Variants in TP53I11 observed in about 807,000 individuals in gnomAD.
TP53I11 encodes tumor protein p53 inducible protein 11.
A neutral mutation model predicts 23.3 loss-of-function variants in TP53I11; 9 were observed. The observed-to-expected ratio is 0.39, with a 90% CI of 0.23 to 0.67. TP53I11 has a LOEUF of 0.67. TP53I11 is among the 30% of genes least tolerant of loss of function. TP53I11 has a pLI of 0.48. For synonymous variants in TP53I11, 100 were observed against 106.1 expected, an observed-to-expected ratio of 0.94 and a Z score of 0.35; for missense variants, 170 against 255.2, an observed-to-expected ratio of 0.67 and a Z score of 2.27.
chr11:44,941,334 T>G (rs1283173854), intron 1 of TP53I11, among the ~76,000 whole-genome samples: 1 of 152,154 alleles, frequency 6.6e-6, no homozygotes, highest in East Asian at 1.9e-4. Flanking sequence ...CCAACCTCAC[T>G]TTTCCCCTAC....
At chr11:44,939,457 C>T (rs1192421789) in intron 1 of TP53I11, among the ~76,000 whole-genome samples, 1 of 152,234 alleles carries the variant, frequency 6.6e-6, no homozygotes, top group Non-Finnish European at 1.5e-5. Flanking sequence ...TCCCCATCTA[C>T]AGACAGGGTC....
chr11:44,937,614 C>G lies in TP53I11; in HGVS notation c.130-1G>C. The G allele has an allele frequency of 6.2e-7, 1 of 1,613,296 alleles. No homozygotes were observed. Among genetic ancestry groups the G allele is most frequent in the Non-Finnish European group, 8.5e-7 (1 of 1,179,916 alleles). On this transcript the variant is annotated splice_acceptor_variant, in intron 2 of 6. Coordinates refer to ENST00000525680, the MANE Select transcript of TP53I11 (RefSeq NM_006034.5). LOFTEE classifies it high-confidence loss of function. The stretch of plus-strand genomic sequence containing the variant: ...TTTCATTGCCTAAGACCTGGCTGAT[C>G]TGTGGACAGAGGGGGTCAGAGGCAA...
At chr11:44,940,720 T>C (rs1861666133) in intron 1 of TP53I11, 1 of 152,210 alleles carries the variant, frequency 6.6e-6, no homozygotes, top group Non-Finnish European at 1.5e-5. Flanking sequence ...AAACCCGCGT[T>C]TCTGTGGGAC....
chr11:44,936,892 G>A lies in TP53I11; in HGVS notation c.245C>T (p.Ala82Val). 6.2e-7 allele frequency: 1 copy of A among 1,604,658 alleles called. No individual in the cohort carries two copies. The highest frequency in any genetic ancestry group is 8.5e-7 in the Non-Finnish European group (1 of 1,176,566). The change falls in exon 5 of 7, where the codon GCC (alanine) becomes GTC (valine). Residue 82 changes from alanine to valine, a missense_variant. Transcript: ENST00000525680. The surrounding 1 kb of genome is among the most constrained non-coding windows in gnomAD (Gnocchi z 4.4). ...LFSGIAIMAL[A>V]FPDQLYDAVF... is the part of the protein sequence containing the mutation. ...CGCATCATAGAGCTGGTCAGGGAAGGCAAGCGCCTGCGGGCAGCGAGAGGG... is the reference window on the plus strand; with the variant it reads ...CGCATCATAGAGCTGGTCAGGGAAGACAAGCGCCTGCGGGCAGCGAGAGGG...
intron 1 of TP53I11, among the ~76,000 whole-genome samples, chr11:44,939,595 C>T (rs1861549968): frequency 6.6e-6 from 1 of 152,212 alleles, no homozygotes; most frequent in Admixed American, 6.5e-5. Flanking sequence ...CGGGTCACCT[C>T]CCATTTTTGA....
intron 5 of TP53I11, 118 bp from the exon 6 acceptor site, chr11:44,935,780 T>C: frequency 2.9e-6 from 2 of 695,940 alleles, no homozygotes; most frequent in Non-Finnish European, 5.0e-6. Flanking sequence ...GGTCCTGGAC[T>C]CCACGCCTCC....
rs375071161 is a variant in TP53I11, at chr11:44,936,949, G to T, written c.238-50C>A. ...AGGTCCCGCTTGGGAGAGGGTGGGGGGTGACAGCTGATGCTTCCCACAGAC... is the reference window on the plus strand; with the variant it reads ...AGGTCCCGCTTGGGAGAGGGTGGGGTGTGACAGCTGATGCTTCCCACAGAC... On this transcript the variant is annotated intron_variant, in intron 4 of 6. Transcript: ENST00000525680. The surrounding 1 kb of genome is among the most constrained non-coding windows in gnomAD (Gnocchi z 4.4). The T allele has an allele frequency of 6.8e-6, 9 of 1,332,558 alleles. 1 individual carries two copies. Among genetic ancestry groups the T allele is most frequent in the Non-Finnish European group, 9.4e-6 (9 of 959,670 alleles). The allele number at this position is 1,332,558 out of a possible 1,614,324, so 82.5% of individuals were successfully genotyped here.
chr11:44,934,898 G>A lies in TP53I11; in HGVS notation c.556C>T (p.Pro186Ser), dbSNP rs774355917. The A allele has an allele frequency of 3.1e-6, 5 of 1,613,988 alleles. No individual in the cohort carries two copies. The highest frequency in any genetic ancestry group is 3.3e-5 in the Admixed American group (2 of 60,012). The change falls in exon 7 of 7, where the codon CCC (proline) becomes TCC (serine). Residue 186 changes from proline (P) to serine (S), a missense_variant. Pro to Ser is a moderately conservative substitution (Grantham distance 74). Coordinates refer to ENST00000525680, the MANE Select transcript of TP53I11 (RefSeq NM_006034.5). ...CCAGCGGGCAACTAGGCCTTCTTGG[G>A]TCTTCGGCCGACTTGGTAATAGTAG... ...IYYYYQVGRR[P>S]KKA
chr11:44,937,568 G>T lies in TP53I11; in HGVS notation c.175C>A (p.Pro59Thr), dbSNP rs1202177164. 6.2e-7 allele frequency: 1 copy of T among 1,613,802 alleles called. No homozygotes were observed. The highest frequency in any genetic ancestry group is 8.5e-7 in the Non-Finnish European group (1 of 1,179,900). ...GNEIKFTIRE[P>T]LGLRVWQFVS... ...GTAAATGCTCACCTGAGCCCCAAAGGCTCCCGAATGGTAAACTTGATTTCA... is the reference window on the plus strand; with the variant it reads ...GTAAATGCTCACCTGAGCCCCAAAGTCTCCCGAATGGTAAACTTGATTTCA... Residue 59 changes from proline (P) to threonine (T), a missense_variant, in exon 3 of 7, where the codon CCT becomes ACT. Transcript: ENST00000525680.
chr11:44,940,487 T>C (rs1219557451), intron 1 of TP53I11: 1 of 152,222 alleles, frequency 6.6e-6, no homozygotes, highest in East Asian at 1.9e-4. Flanking sequence ...AAATATGCCA[T>C]GTAAGTGGAA....
rs116118673 is a variant in TP53I11, at chr11:44,935,031, T to G, written c.437-14A>C. 19,630 of 1,612,054 alleles carry G rather than the reference T, an allele frequency of 0.012. 1,959 individuals carry two copies. In the African/African-American group the frequency reaches 0.22, roughly 18 times the overall value. ...TGGCAGTGACCACTGTGGGAGAGAG[T>G]CCAGCAAGGCCACAGGGTCAGAGGA... On this transcript the variant is annotated splice_polypyrimidine_tract_variant and intron_variant, in intron 6 of 6. Transcript: ENST00000525680.
chr11:44,932,918 C>CAGTT lies in TP53I11; in HGVS notation c.*1962_*1965dup, dbSNP rs1229913176. The CAGTT allele has an allele frequency of 3.3e-5, 5 of 152,294 alleles. No individual in the cohort carries two copies. Among genetic ancestry groups the CAGTT allele is most frequent in the Non-Finnish European group, 7.3e-5 (5 of 68,082 alleles). 9.4% of individuals were successfully genotyped at this position (152,294 alleles called of 1,614,324 possible). ...TCATTCCCCAGGTGGAATCCACCTG[C>CAGTT]AGTTATGGGAGGACAAACCAACCAT... On this transcript the variant is annotated 3_prime_UTR_variant, in exon 7 of 7. Transcript: ENST00000525680.
chr11:44,935,909 G>C (rs762921765), intron 5 of TP53I11: 59 of 575,110 alleles, frequency 1.0e-4, no homozygotes, highest in East Asian at 4.3e-4. Flanking sequence ...CACTGGGCGA[G>C]TCACTTCCCC....
At chr11:44,935,443 C>T in intron 6 of TP53I11, 118 bp downstream of exon 6, 1 of 912,162 alleles carries the variant, frequency 1.1e-6, no homozygotes, top group Non-Finnish European at 1.7e-6. Context: ...CCTCTATCCC[C>T]TCCCTAGCCC....
At chr11:44,935,688 TG>T (rs1455449158) in intron 5 of TP53I11, 26 bp from the exon 6 acceptor site, 5 of 424,482 alleles carry the variant, frequency 1.2e-5, no homozygotes, top group East Asian at 5.0e-5. Flanking sequence ...AAAAGGGGGC[TG>T]GGGGTGGGAC....
Position 44,937,306 on chromosome 11 carries a change from T to C in TP53I11, c.235A>G (p.Met79Val). The change falls in exon 4 of 7, where the codon ATG becomes GTG. Residue 79 changes from methionine to valine, a missense_variant and splice_region_variant. Physicochemically the swap from Met to Val is conservative, Grantham distance 21 (BLOSUM62 1). Transcript: ENST00000525680. The part of the protein sequence containing the change: ...SAVLFSGIAI[M>V]ALAFPDQLYD... ...AGGGGCTGGGGGTGGGGGCTCACCA[T>C]GATGGCAATGCCGGAGAAGAGCACA... 2.0e-6 allele frequency: 3 copies of C among 1,506,352 alleles called. No homozygotes were observed. Among genetic ancestry groups the C allele is most frequent in the Non-Finnish European group, 8.9e-7 (1 of 1,128,924 alleles). The allele number at this position is 1,506,352 out of a possible 1,614,324, so 93.3% of individuals were successfully genotyped here.
intron 1 of TP53I11, among the ~76,000 whole-genome samples, chr11:44,943,577 A>C: frequency 6.6e-6 from 1 of 152,178 alleles, no homozygotes; most frequent in Non-Finnish European, 1.5e-5. Context: ...CACAAGTGAG[A>C]AGGTCCCTGG....
chr11:44,938,171 C>T (rs754492397), intron 2 of TP53I11, 36 bp downstream of exon 2: 4 of 1,598,154 alleles, frequency 2.5e-6, no homozygotes, highest in Non-Finnish European at 3.4e-6. Context: ...CCTGGCCTCC[C>T]CAGTGGGTGC....
At chr11:44,941,323 G>A (rs1861732567) in intron 1 of TP53I11, among the ~76,000 whole-genome samples, 1 of 152,162 alleles carries the variant, frequency 6.6e-6, no homozygotes. Context: ...AACGAAAACA[G>A]CCAACCTCAC....
Sources: gnomAD v4.1 joint callset for allele counts (sites outside exome capture counted in the v4.1 genomes callset) on GRCh38, gnomAD v4.1.1 for gene constraint, Gnocchi (gnomAD v3.1) non-coding constraint, MANE v1.5 for transcripts, NCBI Gene and HGNC (gene_info 2026-07-23, HGNC 2026-07-21) for gene names.